The following SLC38A10 variants were observed in gnomAD, a reference collection of about 807,000 sequenced individuals.
The protein encoded by SLC38A10 is Sodium-coupled neutral amino acid transporter 10.
Under a neutral mutation model 81.0 loss-of-function variants are expected in SLC38A10, and 53 were observed. That is an observed-to-expected ratio of 0.65 (90% CI 0.53 to 0.82). The LOEUF (loss-of-function observed/expected upper bound fraction) is 0.82, where lower values mean the gene tolerates loss of function less well. SLC38A10 is among the 40% of genes least tolerant of loss of function. The probability of loss-of-function intolerance (pLI) is 0.00; values close to 1 mark genes in which losing one functional copy is unlikely to be tolerated. For synonymous variants in SLC38A10, 665 were observed against 655.3 expected, an observed-to-expected ratio of 1.01 and a Z score of -0.23; for missense variants, 1,471 against 1,545.0, an observed-to-expected ratio of 0.95 and a Z score of 0.80.
intron 10 of SLC38A10, among the ~76,000 whole-genome samples, chr17:81,261,013 G>A (rs570123812): frequency 1.3e-5 from 2 of 152,266 alleles, no homozygotes; most frequent in African/African-American, 4.8e-5. Context: ...TGGGCACGGG[G>A]GACAGAAATG....
At chr17:81,293,864 A>G (rs1176696607) in intron 1 of SLC38A10, among the ~76,000 whole-genome samples, 1 of 152,242 alleles carries the variant, frequency 6.6e-6, no homozygotes, top group African/African-American at 2.4e-5. Flanking sequence ...AAAGCACTAA[A>G]TGCTTGTTTA....
chr17:81,245,627 C>T lies in SLC38A10; in HGVS notation c.3289G>A (p.Ala1097Thr). Residue 1097 changes from alanine to threonine, a missense_variant, in exon 16 of 16, where the codon GCG becomes ACG. By Grantham distance (58) the Ala-to-Thr change is moderately conservative. Transcript: ENST00000374759. ...TGGACCACCTGCAGAGCTCCCCCCG[C>T]AGCCTGGCGGAGCTGGGCATCCAGG... Reference protein sequence around the residue: ...GALDAQLRQAAGGALQVVHSR... With the variant: ...GALDAQLRQATGGALQVVHSR... 2 of 1,612,318 alleles carry T rather than the reference C, an allele frequency of 1.2e-6. No individual in the cohort carries two copies. The highest frequency in any genetic ancestry group is 1.1e-5 in the South Asian group (1 of 91,036).
rs929946679 is a variant in SLC38A10, at chr17:81,289,369, T to A, written c.217+322A>T. On this transcript the variant is annotated intron_variant, in intron 2 of 15. Transcript: ENST00000374759. This position sits in a 1 kb window ranked among gnomAD's most constrained non-coding sequence, Gnocchi z 5.9. ...TTTTTTTTTTAACTGCATTTTTTTTTAATTTGATTTTTAATTCTTTTGAGA... is the reference window on the plus strand; with the variant it reads ...TTTTTTTTTTAACTGCATTTTTTTTAAATTTGATTTTTAATTCTTTTGAGA... Among the ~76,000 whole-genome samples, 24 of 151,562 alleles carry A rather than the reference T, an allele frequency of 1.6e-4. No homozygotes were observed. Among genetic ancestry groups the A allele is most frequent in the Non-Finnish European group, 2.1e-4 (14 of 67,922 alleles).
At position 81,281,108 on chromosome 17, in the gene SLC38A10, T is replaced by C. The variant is rs1288364917; in HGVS notation, c.502-375A>G. On this transcript the variant is annotated intron_variant, in intron 5 of 15. Transcript: ENST00000374759. The surrounding 1 kb of genome is among the most constrained non-coding windows in gnomAD (Gnocchi z 5.3). ...GGGCAGGTCCCTCCCCATCTTGTACTGTGTTAGACATGGACATTTTCCAAA... is the reference window on the plus strand; with the variant it reads ...GGGCAGGTCCCTCCCCATCTTGTACCGTGTTAGACATGGACATTTTCCAAA... 2.0e-5 allele frequency among the ~76,000 whole-genome samples: 3 copies of C among 152,326 alleles called. No homozygotes were observed. The East Asian group carries it at 5.8e-4, about 29-fold the overall frequency.
chr17:81,251,195 G>A, intron 14 of SLC38A10: 1 of 1,538,414 alleles, frequency 6.5e-7, no homozygotes, highest in South Asian at 1.3e-5. Flanking sequence ...CACAAGCCAA[G>A]TGACAATGCC....
At chr17:81,255,666 G>A (rs2062965316) in intron 11 of SLC38A10, among the ~76,000 whole-genome samples, 1 of 152,218 alleles carries the variant, frequency 6.6e-6, no homozygotes, top group African/African-American at 2.4e-5. Flanking sequence ...AGAGGGTGCT[G>A]CCGCAGGGCA....
In SLC38A10 at chr17:81,281,798, C is replaced by CAAACA. The variant is rs1248786039; in HGVS notation, c.501+390_501+391insTGTTT. Among the ~76,000 whole-genome samples the CAAACA allele has an allele frequency of 6.6e-6, 1 of 151,408 alleles. No homozygotes were observed. The highest frequency in any genetic ancestry group is 2.4e-5 in the African/African-American group (1 of 41,020). ...CTCAAAAAACAAACAAACAAACAAA[C>CAAACA]AACAATAGCTTGCCACCTTGTGTCA... On this transcript the variant is annotated intron_variant, in intron 5 of 15. Coordinates refer to ENST00000374759, the MANE Select transcript of SLC38A10 (RefSeq NM_001037984.3). This position sits in a 1 kb window ranked among gnomAD's most constrained non-coding sequence, Gnocchi z 5.3.
chr17:81,277,044 G>C lies in SLC38A10; in HGVS notation c.716C>G (p.Thr239Ser). Residue 239 changes from threonine (T) to serine (S), a missense_variant, in exon 7 of 16, where the codon ACC (threonine) becomes AGC (serine). Physicochemically the swap from Thr to Ser is moderately conservative, Grantham distance 58. Coordinates refer to ENST00000374759, the MANE Select transcript of SLC38A10 (RefSeq NM_001037984.3). The surrounding 1 kb of genome is among the most constrained non-coding windows in gnomAD (Gnocchi z 4.5). ...IFASSLNVVT[T>S]FYVMVGFFGY... ...CAAGGCTCTTACCATGACGTAGAAG[G>C]TGGTGACCACATTAAGGGAGGAAGC... 3.7e-6 allele frequency: 6 copies of C among 1,613,994 alleles called. No individual in the cohort carries two copies. The highest frequency in any genetic ancestry group is 5.1e-6 in the Non-Finnish European group (6 of 1,179,884).
At chr17:81,256,015 C>T (rs953800489) in intron 11 of SLC38A10, among the ~76,000 whole-genome samples, 12 of 152,210 alleles carry the variant, frequency 7.9e-5, no homozygotes, top group Non-Finnish European at 1.6e-4. Context: ...CAAGAAACCA[C>T]GACCCGTGAC....
At chr17:81,273,299 A>G (rs8070549) in intron 8 of SLC38A10, among the ~76,000 whole-genome samples, 78,060 of 151,964 alleles carry the variant, frequency 0.51, 22,612 homozygotes, top group African/African-American at 0.8. Flanking sequence ...CTGCCCCAGG[A>G]CCCCCAGCTG....
chr17:81,288,513 C>T lies in SLC38A10; in HGVS notation c.217+1178G>A, dbSNP rs2063285962. Among the ~76,000 whole-genome samples the T allele has an allele frequency of 6.6e-6, 1 of 152,210 alleles. No individual in the cohort carries two copies. Among genetic ancestry groups the T allele is most frequent in the Admixed American group, 6.5e-5 (1 of 15,286 alleles). ...GAATGGAACGTGGAGCCGAGAGGTG[C>T]CGAGCCTGTGGCGGGCAGGGAGACA... On this transcript the variant is annotated intron_variant, in intron 2 of 15. Coordinates refer to ENST00000374759, the MANE Select transcript of SLC38A10 (RefSeq NM_001037984.3). The surrounding 1 kb of genome is among the most constrained non-coding windows in gnomAD (Gnocchi z 5.4).
chr17:81,250,821 CAAG>C, intron 14 of SLC38A10: 1 of 1,006,628 alleles, frequency 9.9e-7, no homozygotes, highest in Non-Finnish European at 1.2e-6. Context: ...CATGAGGCCA[CAAG>C]GAGGGGTCGC....
intron 10 of SLC38A10, among the ~76,000 whole-genome samples, chr17:81,261,930 G>T (rs1010813018): frequency 6.6e-6 from 1 of 152,200 alleles, no homozygotes; most frequent in African/African-American, 2.4e-5. Flanking sequence ...GGCCCACAGA[G>T]CTCTGCCCCG....
chr17:81,280,319 T>C (rs770075366), intron 6 of SLC38A10, among the ~76,000 whole-genome samples: 4 of 152,196 alleles, frequency 2.6e-5, no homozygotes, highest in Non-Finnish European at 4.4e-5. Context: ...GATGGCTGGG[T>C]TGCTGCTGCA....
rs756738849 is a variant in SLC38A10, at chr17:81,252,213, C to T, written c.1927G>A (p.Ala643Thr). ...GNAAGDTGQP[A>T]EDSDHGGKPP... ...CACCCACCGTGGTCGCTGTCCTCTGCGGGCTGCCCTGTGTCCCCGGCGGCG... is the reference window on the plus strand; with the variant it reads ...CACCCACCGTGGTCGCTGTCCTCTGTGGGCTGCCCTGTGTCCCCGGCGGCG... Residue 643 changes from alanine to threonine, a missense_variant, in exon 13 of 16, where the codon GCA (alanine) becomes ACA (threonine). Ala to Thr is a moderately conservative substitution (Grantham distance 58). This residue lies in a region of SLC38A10 where 751 missense variants were observed against 717.4 expected (regional missense o/e 1.05). Transcript: ENST00000374759. The T allele has an allele frequency of 3.6e-5, 54 of 1,520,510 alleles. No homozygotes were observed. The Admixed American group carries it at 7.3e-4, about 21-fold the overall frequency. The allele number at this position is 1,520,510 out of a possible 1,614,324, so 94.2% of individuals were successfully genotyped here.
Position 81,281,961 on chromosome 17 carries a change from C to G in SLC38A10, c.501+228G>C, listed in dbSNP as rs2063215604. Among the ~76,000 whole-genome samples, 6 of 152,144 alleles carry G rather than the reference C, an allele frequency of 3.9e-5. No homozygotes were observed. ...GAGCCACCCCTGCCCTGAGCCCCAG[C>G]CTCTCCTGCCAGCCAACCGCACCTG... On this transcript the variant is annotated intron_variant, in intron 5 of 15. Transcript: ENST00000374759. The surrounding 1 kb of genome is among the most constrained non-coding windows in gnomAD (Gnocchi z 5.3).
At chr17:81,292,430 T>C (rs1458446142) in intron 1 of SLC38A10, among the ~76,000 whole-genome samples, 1 of 151,816 alleles carries the variant, frequency 6.6e-6, no homozygotes, top group African/African-American at 2.4e-5. Context: ...CAGCTATGTA[T>C]ATATATAAAT....
At chr17:81,251,151 G>C in intron 14 of SLC38A10, 1 of 1,521,630 alleles carries the variant, frequency 6.6e-7, no homozygotes, top group Non-Finnish European at 8.8e-7. Context: ...TGTTAAAACT[G>C]TTAACAAACC....
intron 10 of SLC38A10, chr17:81,264,203 G>T (rs9899287): frequency 0.29 from 44,426 of 152,636 alleles, 7,319 homozygotes; most frequent in African/African-American, 0.43. Context: ...CCTGTGGGGA[G>T]CACAGCGGCT....
Sources: gnomAD v4.1 joint callset for allele counts (sites outside exome capture counted in the v4.1 genomes callset) on GRCh38, gnomAD v4.1.1 for gene constraint, gnomAD v4.1.1 regional missense constraint, Gnocchi (gnomAD v3.1) non-coding constraint, MANE v1.5 for transcripts, NCBI Gene and HGNC (gene_info 2026-07-23, HGNC 2026-07-21) for gene names.